The following PTAFR variants were observed in gnomAD, a reference collection of about 807,000 sequenced individuals.
PTAFR encodes platelet-activating factor receptor.
A neutral mutation model predicts 14.7 loss-of-function variants in PTAFR; 8 were observed. The ratio of observed to expected loss-of-function variants is 0.54; its 90% CI spans 0.32 to 0.98. The LOEUF is 0.98. Ranked by LOEUF, PTAFR falls within the 50% of genes least tolerant of loss-of-function variation. PTAFR has a pLI of 0.04. For synonymous variants in PTAFR, 156 were observed against 176.5 expected (o/e 0.88, Z 0.92); for missense variants, 337 against 451.2 (o/e 0.75, Z 2.29).
chr1:28,184,082 GTTTTTTTTTT>G (rs1165813776), intron 1 of PTAFR, among the ~76,000 whole-genome samples: 2 of 82,416 alleles, frequency 2.4e-5, no homozygotes, highest in Admixed American at 1.5e-4. Flanking sequence ...CCATTAGTCT[GTTTTTTTTTT>G]TTTTTTTTTT....
intron 1 of PTAFR, among the ~76,000 whole-genome samples, chr1:28,165,700 A>G (rs1413128503): frequency 4.6e-5 from 7 of 151,014 alleles, no homozygotes; most frequent in African/African-American, 1.7e-4. Flanking sequence ...GGAGAATGGC[A>G]TGAACCCAGG....
At chr1:28,166,392 C>T (rs926896455) in intron 1 of PTAFR, among the ~76,000 whole-genome samples, 12 of 151,990 alleles carry the variant, frequency 7.9e-5, no homozygotes, top group South Asian at 2.1e-4. Context: ...AGCTTCTTGG[C>T]GGGGTGTGGT....
upstream of PTAFR, among the ~76,000 whole-genome samples, chr1:28,181,295 A>C (rs924965484): frequency 3.9e-5 from 6 of 152,174 alleles, no homozygotes; most frequent in Admixed American, 6.5e-5. Context: ...ACAATTCACA[A>C]CACCACCTAT....
At chr1:28,189,830 T>G (rs564066116) in intron 1 of PTAFR, among the ~76,000 whole-genome samples, 4 of 151,380 alleles carry the variant, frequency 2.6e-5, no homozygotes, top group African/African-American at 9.7e-5. Flanking sequence ...TGTGTCCAGC[T>G]AACTTTTGTA....
Position 28,151,079 on chromosome 1 carries a change from T to A in PTAFR, c.-38-20A>T, listed in dbSNP as rs1646181724. The A allele has an allele frequency of 7.1e-7, 1 of 1,416,834 alleles. No individual in the cohort carries two copies. The highest frequency in any genetic ancestry group is 1.4e-5 in the African/African-American group (1 of 69,502). The allele number at this position is 1,416,834 out of a possible 1,614,324, so 87.8% of individuals were successfully genotyped here. On this transcript the variant is annotated intron_variant, in intron 1 of 1. Coordinates refer to ENST00000373857, the MANE Select transcript of PTAFR (RefSeq NM_000952.5). Reference sequence around the variant, plus strand: ...TGGTGCCTGGAAGACCACACAAAAATTCTGGTTAATAAAGGGACAAGAAGG... The same window carrying A: ...TGGTGCCTGGAAGACCACACAAAAAATCTGGTTAATAAAGGGACAAGAAGG...
At chr1:28,193,585 G>A (rs1452646548) in intron 1 of PTAFR, 1 of 153,592 alleles carries the variant, frequency 6.5e-6, no homozygotes, top group Admixed American at 6.5e-5. Context: ...TCCTTGAGGG[G>A]GTGCCAACAG....
Position 28,150,924 on chromosome 1 carries a change from T to G in PTAFR, c.98A>C (p.Asn33Thr), listed in dbSNP as rs1331582897. 2.5e-6 allele frequency: 4 copies of G among 1,613,914 alleles called. No individual in the cohort carries two copies. Among genetic ancestry groups the G allele is most frequent in the Non-Finnish European group, 3.4e-6 (4 of 1,179,984 alleles). The change falls in exon 2 of 2, where the codon AAT (asparagine) becomes ACT (threonine). Residue 33 changes from asparagine to threonine, a missense_variant. Physicochemically the swap from Asn to Thr is moderately conservative, Grantham distance 65 (BLOSUM62 0). Transcript: ENST00000373857. This position sits in a 1 kb window ranked among gnomAD's most constrained non-coding sequence, Gnocchi z 6.3. ...SIIFVLGVIANGYVLWVFARL... is the reference protein window; with the variant it reads ...SIIFVLGVIATGYVLWVFARL... The stretch of plus-strand genomic sequence containing the variant: ...GGCAAAGACCCACAGCACGTAGCCA[T>G]TAGCAATGACCCCGAGCACAAAGAT...
chr1:28,153,589 A>AG (rs1386474518), intron 1 of PTAFR, among the ~76,000 whole-genome samples: 1 of 150,540 alleles, frequency 6.6e-6, no homozygotes, highest in East Asian at 1.9e-4. Context: ...TACAAAAAAA[A>AG]AAAAAAAAAA....
chr1:28,186,157 T>C (rs1166922158), intron 1 of PTAFR, among the ~76,000 whole-genome samples: 1 of 152,016 alleles, frequency 6.6e-6, no homozygotes, highest in Non-Finnish European at 1.5e-5. Context: ...TTTTGTTTTG[T>C]TTTGTTTAGT....
chr1:28,160,342 CT>C (rs1646308533), intron 1 of PTAFR, among the ~76,000 whole-genome samples: 1 of 150,732 alleles, frequency 6.6e-6, no homozygotes, highest in African/African-American at 2.4e-5. Flanking sequence ...TGTTAAATTC[CT>C]TAGCTATTAG....
upstream of PTAFR, chr1:28,177,132 A>C (rs1306728358): frequency 6.6e-6 from 1 of 152,636 alleles, no homozygotes; most frequent in African/African-American, 2.4e-5. Flanking sequence ...GGACAAAGAC[A>C]AGGTAAGATC....
At chr1:28,184,461 T>G (rs1050406314) in intron 1 of PTAFR, among the ~76,000 whole-genome samples, 3 of 152,060 alleles carry the variant, frequency 2.0e-5, no homozygotes, top group Non-Finnish European at 2.9e-5. Flanking sequence ...ACTCCTCTGC[T>G]CAAAGCCCCC....
At chr1:28,158,504 C>T (rs1458101080) in intron 1 of PTAFR, among the ~76,000 whole-genome samples, 2 of 152,116 alleles carry the variant, frequency 1.3e-5, no homozygotes, top group Non-Finnish European at 2.9e-5. Flanking sequence ...TTGAGACCAG[C>T]CTGACCAACA....
upstream of PTAFR, among the ~76,000 whole-genome samples, chr1:28,178,703 G>A (rs776989613): frequency 6.7e-5 from 10 of 149,912 alleles, no homozygotes; most frequent in South Asian, 2.1e-4. Flanking sequence ...TACACTCAGC[G>A]CCTACTCTCA....
chr1:28,151,984 T>C (rs1436893952), intron 1 of PTAFR, among the ~76,000 whole-genome samples: 1 of 152,082 alleles, frequency 6.6e-6, no homozygotes, highest in Non-Finnish European at 1.5e-5. Flanking sequence ...CCTCAACCTC[T>C]TGGGCTCAAG....
At position 28,149,819 on chromosome 1, in the gene PTAFR, AT is replaced by A; in HGVS notation, c.*173del. On this transcript the variant is annotated 3_prime_UTR_variant, in exon 2 of 2. Transcript: ENST00000373857. Reference sequence around the variant, plus strand: ...ATGAAGGGGCTCATTTGAGTTCTGGATTTTCCAACAGCCTGGCTCTGCCATC... The same window carrying A: ...ATGAAGGGGCTCATTTGAGTTCTGGATTTCCAACAGCCTGGCTCTGCCATC... 1.2e-6 allele frequency: 1 copy of A among 830,072 alleles called. No individual in the cohort carries two copies. Among genetic ancestry groups the A allele is most frequent in the Non-Finnish European group, 1.8e-6 (1 of 548,040 alleles). The allele number at this position is 830,072 out of a possible 1,614,324, so 51.4% of individuals were successfully genotyped here. A position where few individuals can be genotyped will look rare whatever the true frequency, so the allele number is the denominator to read the frequency against.
At chr1:28,182,570 A>G (rs564141141) in intron 1 of PTAFR, among the ~76,000 whole-genome samples, 1 of 151,640 alleles carries the variant, frequency 6.6e-6, no homozygotes, top group African/African-American at 2.4e-5. Context: ...TCCAGCCTAC[A>G]TGGCAGAGTG....
rs1646153044 is a variant in PTAFR, at chr1:28,149,467, G to A, written c.*526C>T. On this transcript the variant is annotated 3_prime_UTR_variant, in exon 2 of 2. Transcript: ENST00000373857. ...TCCTGCCTCAGCCTCCTGAGTAGCT[G>A]GGACTACAGGCGTGTGCCACCATGC... 1 of 154,020 alleles carries A rather than the reference G, an allele frequency of 6.5e-6. No individual in the cohort carries two copies. Among genetic ancestry groups the A allele is most frequent in the African/African-American group, 2.4e-5 (1 of 41,260 alleles). 9.5% of individuals were successfully genotyped at this position (154,020 alleles called of 1,614,324 possible).
chr1:28,151,849 G>C (rs1353003341), intron 1 of PTAFR, among the ~76,000 whole-genome samples: 1 of 152,036 alleles, frequency 6.6e-6, no homozygotes, highest in Non-Finnish European at 1.5e-5. Context: ...ACATCCTCCA[G>C]AACTATGAGA....
Sources: allele counts gnomAD v4.1 joint callset (sites outside exome capture counted in the v4.1 genomes callset), GRCh38; gene constraint gnomAD v4.1.1; non-coding constraint Gnocchi (gnomAD v3.1); transcripts MANE v1.5; gene names NCBI Gene and HGNC (gene_info 2026-07-23, HGNC 2026-07-21).